Variants in KIAA1549L observed in about 807,000 individuals in gnomAD.
KIAA1549L encodes UPF0606 protein KIAA1549L.
A neutral mutation model predicts 160.7 loss-of-function variants in KIAA1549L; 88 were observed. That is an observed-to-expected ratio of 0.55 (90% CI 0.46 to 0.65). KIAA1549L has a LOEUF of 0.65. KIAA1549L is among the 30% of genes least tolerant of loss of function. The pLI is 0.00. For synonymous variants in KIAA1549L, 950 were observed against 976.7 expected, an observed-to-expected ratio of 0.97 and a Z score of 0.51; for missense variants, 2,258 against 2,437.5, an observed-to-expected ratio of 0.93 and a Z score of 1.55.
intron 15 of KIAA1549L, among the ~76,000 whole-genome samples, chr11:33,612,944 T>C (rs931963319): frequency 6.6e-6 from 1 of 152,236 alleles, no homozygotes; most frequent in Non-Finnish European, 1.5e-5. Flanking sequence ...TTGTTCTTTA[T>C]TATGGCTGTA....
chr11:33,434,028 C>G (rs372831732), intron 1 of KIAA1549L, among the ~76,000 whole-genome samples: 6 of 151,658 alleles, frequency 4.0e-5, no homozygotes, highest in Admixed American at 3.9e-4. Context: ...GTAACCTGCA[C>G]GTTCTGCACA....
At chr11:33,583,756 T>A (rs1336488920) in intron 11 of KIAA1549L, among the ~76,000 whole-genome samples, 1 of 152,102 alleles carries the variant, frequency 6.6e-6, no homozygotes, top group Admixed American at 6.5e-5. Context: ...TTGGAGGAAG[T>A]ACTATTATTT....
At position 33,544,309 on chromosome 11, in the gene KIAA1549L, G is replaced by C. The variant is rs764866295; in HGVS notation, c.2746G>C (p.Ala916Pro). The change falls in exon 2 of 21, where the codon GCT (alanine) becomes CCT (proline). Residue 916 changes from alanine to proline, a missense_variant. Transcript: ENST00000658780. ...FPRTSSRVLR[A>P]SQHPKKWTAD... ...CAGGACCTCCTCCAGAGTGCTGCGG[G>C]CTTCTCAGCACCCCAAGAAATGGAC... 8 of 1,613,922 alleles carry C rather than the reference G, an allele frequency of 5.0e-6. No homozygotes were observed. Among genetic ancestry groups the C allele is most frequent in the Non-Finnish European group, 6.8e-6 (8 of 1,179,886 alleles).
chr11:33,671,230 T>C lies in KIAA1549L; in HGVS notation c.*3076T>C, dbSNP rs562533646. The C allele has an allele frequency of 1.3e-5, 2 of 152,332 alleles. No individual in the cohort carries two copies. Among genetic ancestry groups the C allele is most frequent in the African/African-American group, 4.8e-5 (2 of 41,578 alleles). The allele number at this position is 152,332 out of a possible 1,614,324, so 9.4% of individuals were successfully genotyped here. A position where few individuals can be genotyped will look rare whatever the true frequency, so the allele number is the denominator to read the frequency against. The stretch of plus-strand genomic sequence containing the variant: ...GGAGACCTCAACTGCTGTTCTAGAC[T>C]GTGGGGGTGCATTCCTGTCTCAGCA... On this transcript the variant is annotated 3_prime_UTR_variant, in exon 21 of 21. Transcript: ENST00000658780.
intron 19 of KIAA1549L, among the ~76,000 whole-genome samples, chr11:33,659,902 G>A (rs1852202100): frequency 6.6e-6 from 1 of 152,174 alleles, no homozygotes; most frequent in African/African-American, 2.4e-5. Context: ...CTGCATGGCA[G>A]GTGGAGGTCT....
At position 33,472,045 on chromosome 11, in the gene KIAA1549L, G is replaced by T. The variant is rs138248763; in HGVS notation, c.239-69757G>T. Reference sequence around the variant, plus strand: ...TGTTGCCTCAGAATGAGCCAAAGTGGCTTCTTAAACTTTATGCATCATCTC... The same window carrying T: ...TGTTGCCTCAGAATGAGCCAAAGTGTCTTCTTAAACTTTATGCATCATCTC... On this transcript the variant is annotated intron_variant, in intron 1 of 20. Coordinates refer to ENST00000658780, the MANE Select transcript of KIAA1549L (RefSeq NM_012194.3). 8.5e-4 allele frequency among the ~76,000 whole-genome samples: 130 copies of T among 152,260 alleles called. No individual in the cohort carries two copies. In the Middle Eastern group the frequency reaches 0.014, roughly 16 times the overall value.
chr11:33,459,960 CAA>C (rs61580338), intron 1 of KIAA1549L, among the ~76,000 whole-genome samples: 10 of 67,200 alleles, frequency 1.5e-4, no homozygotes, highest in Admixed American at 5.0e-4. Context: ...GACTCCGTCT[CAA>C]AAAAAAAAAA....
At chr11:33,437,333 G>GA (rs1851401309) in intron 1 of KIAA1549L, among the ~76,000 whole-genome samples, 2 of 152,144 alleles carry the variant, frequency 1.3e-5, no homozygotes, top group Admixed American at 1.3e-4. Context: ...GATTAAAAAA[G>GA]AAAAAAATGA....
At chr11:33,637,724 A>G (rs1290855995) in intron 16 of KIAA1549L, among the ~76,000 whole-genome samples, 1 of 152,204 alleles carries the variant, frequency 6.6e-6, no homozygotes, top group Non-Finnish European at 1.5e-5. Context: ...GAGCCTTCAT[A>G]TCGGCTTCCC....
chr11:33,539,495 T>G (rs1231051018), intron 1 of KIAA1549L, among the ~76,000 whole-genome samples: 8 of 152,248 alleles, frequency 5.3e-5, no homozygotes, highest in Non-Finnish European at 8.8e-5. Context: ...TTCTTGCTTG[T>G]GCTACCTATA....
chr11:33,623,465 C>T (rs1851013664), intron 16 of KIAA1549L, among the ~76,000 whole-genome samples: 1 of 152,140 alleles, frequency 6.6e-6, no homozygotes, highest in South Asian at 2.1e-4. Flanking sequence ...ATAACCCTGG[C>T]TTGATATGTT....
chr11:33,424,784 T>C (rs1187549836), intron 1 of KIAA1549L, among the ~76,000 whole-genome samples: 1 of 152,168 alleles, frequency 6.6e-6, no homozygotes, highest in African/African-American at 2.4e-5. Context: ...ATACAGAGTA[T>C]TGAAATATAC....
intron 8 of KIAA1549L, among the ~76,000 whole-genome samples, chr11:33,562,954 T>C (rs1854919102): frequency 6.6e-6 from 1 of 152,112 alleles, no homozygotes; most frequent in Non-Finnish European, 1.5e-5. Context: ...GTACTGGGAT[T>C]ACAGGTGTGA....
At chr11:33,486,875 C>T (rs529375846) in intron 1 of KIAA1549L, among the ~76,000 whole-genome samples, 2 of 152,280 alleles carry the variant, frequency 1.3e-5, no homozygotes, top group Admixed American at 1.3e-4. Context: ...GTTGTTCTAC[C>T]CAAGACTTAC....
chr11:33,540,415 A>C (rs796182385), intron 1 of KIAA1549L, among the ~76,000 whole-genome samples: 2 of 152,252 alleles, frequency 1.3e-5, no homozygotes, highest in African/African-American at 2.4e-5. Flanking sequence ...ATGCAAAAGT[A>C]CCTTATACAG....
intron 1 of KIAA1549L, among the ~76,000 whole-genome samples, chr11:33,447,936 T>C (rs142572037): frequency 2.1e-4 from 32 of 151,880 alleles, no homozygotes; most frequent in African/African-American, 7.7e-4. Context: ...GACAGAGGAG[T>C]TCTCATGAGC....
At chr11:33,487,814 G>A (rs1438044336) in intron 1 of KIAA1549L, among the ~76,000 whole-genome samples, 1 of 152,136 alleles carries the variant, frequency 6.6e-6, no homozygotes, top group African/African-American at 2.4e-5. Flanking sequence ...AATGAGGTAT[G>A]TTAGGATTCA....
At chr11:33,577,698 C>T (rs549679529) in intron 10 of KIAA1549L, among the ~76,000 whole-genome samples, 26 of 152,188 alleles carry the variant, frequency 1.7e-4, no homozygotes, top group African/African-American at 5.5e-4. Context: ...GTAATACACA[C>T]GGAGAATGGC....
At position 33,542,510 on chromosome 11, in the gene KIAA1549L, G is replaced by A. The variant is rs771198359; in HGVS notation, c.947G>A (p.Gly316Asp). The A allele has an allele frequency of 6.2e-7, 1 of 1,613,310 alleles. No individual in the cohort carries two copies. Among genetic ancestry groups the A allele is most frequent in the Non-Finnish European group, 8.5e-7 (1 of 1,179,360 alleles). Residue 316 changes from glycine (G) to aspartate (D), a missense_variant, in exon 2 of 21, where the codon GGT (glycine) becomes GAT (aspartate). By Grantham distance (94) the Gly-to-Asp change is moderately conservative (BLOSUM62 -1). Transcript: ENST00000658780. ...AQDLIGIPHL[G>D]VSGSSTKWHS... ...GATCTCATAGGCATCCCTCATCTAGGTGTTTCTGGATCCTCAACAAAATGG... is the reference window on the plus strand; with the variant it reads ...GATCTCATAGGCATCCCTCATCTAGATGTTTCTGGATCCTCAACAAAATGG...
Sources: allele counts gnomAD v4.1 joint callset (sites outside exome capture counted in the v4.1 genomes callset), GRCh38; gene constraint gnomAD v4.1.1; transcripts MANE v1.5; gene names NCBI Gene and HGNC (gene_info 2026-07-23, HGNC 2026-07-21).